The following DENND1A variants were observed in gnomAD, a reference collection of about 807,000 sequenced individuals.
DENND1A encodes the protein DENN domain-containing protein 1A.
In DENND1A, 51 loss-of-function variants were observed where a neutral mutation model predicts 113.7. The observed-to-expected ratio is 0.45, with a 90% CI of 0.36 to 0.57. The LOEUF is 0.57. Among genes scored for constraint, DENND1A ranks in the 20% least tolerant of loss-of-function variants. The pLI is 0.00. For missense variants in DENND1A, 1,258 were observed against 1,395.9 expected (o/e 0.90, Z 1.57); for synonymous variants, 565 against 570.8 (o/e 0.99, Z 0.14).
chr9:123,578,866 T>TG (rs1554889057), intron 12 of DENND1A, among the ~76,000 whole-genome samples: 2 of 151,224 alleles, frequency 1.3e-5, no homozygotes, highest in African/African-American at 4.9e-5. Context: ...GTGCATGTGT[T>TG]TGTGTGTGTG....
intron 13 of DENND1A, among the ~76,000 whole-genome samples, chr9:123,486,195 T>C (rs1382790569): frequency 6.6e-6 from 1 of 152,044 alleles, no homozygotes; most frequent in African/African-American, 2.4e-5. Context: ...GTTTAAAATT[T>C]CAGTAAAAAT....
At chr9:123,427,036 T>C (rs1481104301) in intron 19 of DENND1A, among the ~76,000 whole-genome samples, 1 of 152,220 alleles carries the variant, frequency 6.6e-6, no homozygotes, top group Non-Finnish European at 1.5e-5. Context: ...CAGTGATCTC[T>C]AGCAAGCTGG....
Position 123,440,578 on chromosome 9 carries a change from C to T in DENND1A, c.1357-87G>A, listed in dbSNP as rs140771930. The stretch of plus-strand genomic sequence containing the variant: ...CCCCACAACGAAGAGGCCTGCCAGG[C>T]GACTCTCTCCGTGACATTCTGAGCC... On this transcript the variant is annotated intron_variant, in intron 18 of 23. Transcript: ENST00000394215. 183 of 1,435,066 alleles carry T rather than the reference C, an allele frequency of 1.3e-4. No homozygotes were observed. In the African/African-American group the frequency reaches 2.4e-3, roughly 19 times the overall value. The allele number at this position is 1,435,066 out of a possible 1,614,324, so 88.9% of individuals were successfully genotyped here. A position where few individuals can be genotyped will look rare whatever the true frequency, so the allele number is the denominator to read the frequency against.
chr9:123,641,977 G>A (rs2062053362), intron 9 of DENND1A, among the ~76,000 whole-genome samples: 1 of 152,180 alleles, frequency 6.6e-6, no homozygotes. Context: ...TCTGAATCCT[G>A]TGCCTCATCC....
Position 123,566,060 on chromosome 9 carries a change from C to T in DENND1A, c.868-8365G>A, listed in dbSNP as rs151040920. Among the ~76,000 whole-genome samples the T allele has an allele frequency of 2.3e-3, 354 of 152,264 alleles. 3 individuals carry two copies. Among genetic ancestry groups the T allele is most frequent in the African/African-American group, 8.2e-3 (342 of 41,556 alleles). ...AGATGAGGAAAGTAAGACCCAGTTC[C>T]ACATCACACTGACAGTAAGGCAAGG... On this transcript the variant is annotated intron_variant, in intron 12 of 23. Transcript: ENST00000394215.
chr9:123,774,458 T>C (rs1830180966), intron 3 of DENND1A, among the ~76,000 whole-genome samples: 1 of 152,180 alleles, frequency 6.6e-6, no homozygotes, highest in African/African-American at 2.4e-5. Context: ...GATCAGAAGT[T>C]TCCTAAATGT....
intron 17 of DENND1A, among the ~76,000 whole-genome samples, chr9:123,451,621 T>C (rs899257549): frequency 6.6e-6 from 1 of 152,134 alleles, no homozygotes; most frequent in African/African-American, 2.4e-5. Context: ...GACCCAATAA[T>C]GGGGATTCCT....
chr9:123,853,993 G>C (rs1456071408), intron 2 of DENND1A, among the ~76,000 whole-genome samples: 1 of 151,956 alleles, frequency 6.6e-6, no homozygotes, highest in Non-Finnish European at 1.5e-5. Context: ...TAGAATATTA[G>C]GATATATTAG....
At chr9:123,865,454 C>A (rs1169817842) in intron 2 of DENND1A, among the ~76,000 whole-genome samples, 1 of 151,024 alleles carries the variant, frequency 6.6e-6, no homozygotes, top group Non-Finnish European at 1.5e-5. Context: ...AGGCCCTGGG[C>A]CTGGAACTGC....
intron 13 of DENND1A, among the ~76,000 whole-genome samples, chr9:123,496,872 T>G (rs73575602): frequency 0.017 from 2,536 of 152,330 alleles, 38 homozygotes; most frequent in African/African-American, 0.036. Flanking sequence ...AGTGCTGAAA[T>G]CAAACTCACT....
At chr9:123,830,871 A>C (rs1840078758) in intron 2 of DENND1A, among the ~76,000 whole-genome samples, 1 of 129,924 alleles carries the variant, frequency 7.7e-6, no homozygotes. Flanking sequence ...CATCTCAAAA[A>C]TGAAAAAAAA....
chr9:123,520,008 A>C (rs552218784), intron 13 of DENND1A, among the ~76,000 whole-genome samples: 2 of 152,134 alleles, frequency 1.3e-5, no homozygotes, highest in Admixed American at 6.5e-5. Context: ...AAAAATTAAA[A>C]AATTAGCTGG....
chr9:123,436,386 A>G (rs1412894516), intron 19 of DENND1A, among the ~76,000 whole-genome samples: 1 of 152,224 alleles, frequency 6.6e-6, no homozygotes, highest in Non-Finnish European at 1.5e-5. Flanking sequence ...CGGTCTTCAC[A>G]TTCTCAGGTG....
intron 13 of DENND1A, among the ~76,000 whole-genome samples, chr9:123,475,867 A>G (rs1441254118): frequency 2.0e-5 from 3 of 152,232 alleles, no homozygotes; most frequent in Non-Finnish European, 4.4e-5. Flanking sequence ...ACAGCTTCTT[A>G]TACGCCTCCT....
At chr9:123,419,611 A>T (rs1411478034) in intron 19 of DENND1A, among the ~76,000 whole-genome samples, 1 of 152,214 alleles carries the variant, frequency 6.6e-6, no homozygotes, top group African/African-American at 2.4e-5. Context: ...AGCCTTCTGT[A>T]GTTTTACAAA....
intron 5 of DENND1A, among the ~76,000 whole-genome samples, chr9:123,711,488 T>C (rs60715909): frequency 3.3e-5 from 2 of 61,402 alleles, no homozygotes; most frequent in South Asian, 9.2e-4. Flanking sequence ...AATTAAAAAA[T>C]ATATATATAT....
At chr9:123,712,887 T>A (rs2066725103) in intron 5 of DENND1A, among the ~76,000 whole-genome samples, 2 of 152,240 alleles carry the variant, frequency 1.3e-5, no homozygotes, top group Admixed American at 1.3e-4. Flanking sequence ...AAGTTCTACC[T>A]AAATACCTCA....
chr9:123,896,488 C>T (rs1442678795), intron 1 of DENND1A, among the ~76,000 whole-genome samples: 2 of 152,114 alleles, frequency 1.3e-5, no homozygotes, highest in Non-Finnish European at 2.9e-5. Context: ...GAAATATGAG[C>T]TCACTGGCAA....
intron 10 of DENND1A, among the ~76,000 whole-genome samples, chr9:123,627,322 G>A (rs2061270678): frequency 6.6e-6 from 1 of 152,250 alleles, no homozygotes; most frequent in African/African-American, 2.4e-5. Flanking sequence ...CTGTCTATGG[G>A]CCTGTGTCTT....
Sources: allele counts gnomAD v4.1 joint callset (sites outside exome capture counted in the v4.1 genomes callset), GRCh38; gene constraint gnomAD v4.1.1; transcripts MANE v1.5; gene names NCBI Gene and HGNC (gene_info 2026-07-23, HGNC 2026-07-21).